Variants in AFF3 observed in about 807,000 individuals in gnomAD.
AFF3 encodes AF4/FMR2 family member 3.
Under a neutral mutation model 129.7 loss-of-function variants are expected in AFF3, and 32 were observed. The observed-to-expected ratio is 0.25, with a 90% CI of 0.19 to 0.33. The LOEUF is 0.33. Among genes scored for constraint, AFF3 ranks in the 10% least tolerant of loss-of-function variants. The pLI, the probability that AFF3 is intolerant of heterozygous loss-of-function variation, is 1.00. For missense variants in AFF3, 1,373 were observed against 1,592.0 expected (o/e 0.86, Z 2.34); for synonymous variants, 644 against 635.4 (o/e 1.01, Z -0.20).
chr2:99,773,477 T>TGC (rs1683651574), intron 8 of AFF3, among the ~76,000 whole-genome samples: 1 of 151,930 alleles, frequency 6.6e-6, no homozygotes, highest in Non-Finnish European at 1.5e-5. Context: ...TGCTCAAACG[T>TGC]TTTGGGAATT....
At chr2:99,868,506 A>G (rs1691613754) in intron 7 of AFF3, among the ~76,000 whole-genome samples, 1 of 152,104 alleles carries the variant, frequency 6.6e-6, no homozygotes. Flanking sequence ...CAGGGAAGGG[A>G]TCTTTTATCT....
rs951358117 is a variant in AFF3, at chr2:99,550,396, G to A, written c.*1078C>T. The A allele has an allele frequency of 1.7e-5, 4 of 230,446 alleles. No individual in the cohort carries two copies. Among genetic ancestry groups the A allele is most frequent in the African/African-American group, 8.9e-5 (4 of 45,192 alleles). The allele number at this position is 230,446 out of a possible 1,614,324, so 14.3% of individuals were successfully genotyped here. ...GGTGCACATTCTGCATGAGGAGTGA[G>A]AGAATCAGCATTATCATGGCAAATA... On this transcript the variant is annotated 3_prime_UTR_variant, in exon 25 of 25. Transcript: ENST00000672756.
chr2:99,649,151 A>G (rs902112800), intron 13 of AFF3, among the ~76,000 whole-genome samples: 12 of 152,156 alleles, frequency 7.9e-5, no homozygotes, highest in Non-Finnish European at 1.3e-4. Context: ...ACGCCAAAGC[A>G]AGGAGTAAAA....
At chr2:99,746,397 A>G (rs942699260) in intron 9 of AFF3, among the ~76,000 whole-genome samples, 7 of 152,212 alleles carry the variant, frequency 4.6e-5, no homozygotes, top group Non-Finnish European at 8.8e-5. Context: ...CTGCTTTAAA[A>G]AGAAATTCTA....
At chr2:99,964,597 A>G (rs1677555198) in intron 7 of AFF3, among the ~76,000 whole-genome samples, 1 of 152,224 alleles carries the variant, frequency 6.6e-6, no homozygotes. Flanking sequence ...AATATGTAGC[A>G]TGCAGCTAAA....
In AFF3 at chr2:99,603,541, T is replaced by G. The variant is rs376075435; in HGVS notation, c.1185-1920A>C. ...ACTATAAAACCCTTGGAAGACAACC[T>G]AGGCAATACCATTCAGGACATATGA... On this transcript the variant is annotated intron_variant, in intron 13 of 24. Coordinates refer to ENST00000672756, the MANE Select transcript of AFF3 (RefSeq NM_001386135.1). Among the ~76,000 whole-genome samples the G allele has an allele frequency of 2.6e-5, 4 of 152,224 alleles. No individual in the cohort carries two copies. In the South Asian group the frequency reaches 6.2e-4, roughly 24 times the overall value.
At chr2:99,662,107 T>G (rs1228567066) in intron 12 of AFF3, among the ~76,000 whole-genome samples, 1 of 151,968 alleles carries the variant, frequency 6.6e-6, no homozygotes, top group Non-Finnish European at 1.5e-5. Flanking sequence ...GCCACTGAAC[T>G]TCAGCCTGGC....
chr2:99,616,225 TTATTCA>T (rs1331130286), intron 13 of AFF3, among the ~76,000 whole-genome samples: 3 of 152,116 alleles, frequency 2.0e-5, no homozygotes, highest in African/African-American at 7.2e-5. Context: ...GTCCTTCCAT[TTATTCA>T]TATATATTTT....
chr2:99,552,168 T>C (rs1210795329), intron 24 of AFF3, among the ~76,000 whole-genome samples: 2 of 152,140 alleles, frequency 1.3e-5, no homozygotes, highest in African/African-American at 4.8e-5. Flanking sequence ...GGTAGAACGC[T>C]TGAGGTCAGG....
chr2:99,586,247 G>C (rs1008189502), intron 16 of AFF3, among the ~76,000 whole-genome samples: 5 of 152,166 alleles, frequency 3.3e-5, no homozygotes, highest in African/African-American at 1.2e-4. Context: ...CTGCAAAGAG[G>C]ACCGAGGAGT....
At chr2:99,604,606 C>A (rs546813961) in intron 13 of AFF3, among the ~76,000 whole-genome samples, 3 of 152,152 alleles carry the variant, frequency 2.0e-5, no homozygotes, top group Admixed American at 2.0e-4. Flanking sequence ...ACCTGCACAT[C>A]CTGCACAGGT....
At chr2:99,652,909 G>A (rs1001234180) in intron 12 of AFF3, among the ~76,000 whole-genome samples, 1 of 152,152 alleles carries the variant, frequency 6.6e-6, no homozygotes, top group African/African-American at 2.4e-5. Flanking sequence ...TTGATAAGGA[G>A]AGCTGAGGGA....
In AFF3 at chr2:99,554,797, C is replaced by T. The variant is rs879173562; in HGVS notation, c.3286-65G>A. The T allele has an allele frequency of 8.9e-5, 142 of 1,593,012 alleles. 2 individuals are homozygous for T. In the South Asian group the frequency reaches 1.2e-3, roughly 13 times the overall value. ...CGTGAGGTGAAACAGGTGACATGAA[C>T]GTGTTTTCAGGTGACTGCAGAGAGA... On this transcript the variant is annotated intron_variant, in intron 22 of 24. Transcript: ENST00000672756.
intron 4 of AFF3, among the ~76,000 whole-genome samples, chr2:100,021,530 T>C (rs868411184): frequency 2.0e-5 from 3 of 152,224 alleles, no homozygotes; most frequent in South Asian, 4.1e-4. Flanking sequence ...TTTATGGTTA[T>C]AGAATTTAGT....
chr2:99,982,158 T>C (rs1679462295), intron 7 of AFF3, among the ~76,000 whole-genome samples: 1 of 152,200 alleles, frequency 6.6e-6, no homozygotes, highest in Non-Finnish European at 1.5e-5. Flanking sequence ...CTGATATGGT[T>C]TGGCTGTGTC....
chr2:99,713,566 T>C (rs1678107549), intron 11 of AFF3, among the ~76,000 whole-genome samples: 1 of 150,964 alleles, frequency 6.6e-6, no homozygotes, highest in African/African-American at 2.4e-5. Flanking sequence ...TTTAAAAAAT[T>C]AAATTAAAAA....
At chr2:99,705,709 A>G (rs1677294474) in intron 11 of AFF3, among the ~76,000 whole-genome samples, 1 of 151,788 alleles carries the variant, frequency 6.6e-6, no homozygotes, top group African/African-American at 2.4e-5. Context: ...CCCTGTCTCT[A>G]CTAAAAATAC....
At chr2:100,122,651 CA>C (rs1316516717) in intron 2 of AFF3, among the ~76,000 whole-genome samples, 4 of 152,130 alleles carry the variant, frequency 2.6e-5, no homozygotes, top group Non-Finnish European at 5.9e-5. Flanking sequence ...CAATTGAGAA[CA>C]AGTATGTCTC....
chr2:99,560,580 CT>C (rs1675378664), intron 20 of AFF3, 144 bp from the exon 21 acceptor site: 1 of 774,726 alleles, frequency 1.3e-6, no homozygotes, highest in African/African-American at 1.8e-5. Flanking sequence ...GCTGATAATT[CT>C]TTCTTAAAAG....
Sources: gnomAD v4.1 joint callset for allele counts (sites outside exome capture counted in the v4.1 genomes callset) on GRCh38, gnomAD v4.1.1 for gene constraint, MANE v1.5 for transcripts, NCBI Gene and HGNC (gene_info 2026-07-23, HGNC 2026-07-21) for gene names.